The following PDE10A variants were observed in gnomAD, a reference collection of about 807,000 sequenced individuals.
PDE10A encodes the protein phosphodiesterase 10A, also known as cAMP and cAMP-inhibited cGMP 3',5'-cyclic phosphodiesterase 10A.
PDE10A carries 39 observed loss-of-function variants against 97.7 expected under a neutral mutation model. That is an observed-to-expected ratio of 0.40 (90% CI 0.31 to 0.52). The LOEUF is 0.52. Among genes scored for constraint, PDE10A ranks in the 20% least tolerant of loss-of-function variants. The probability of loss-of-function intolerance (pLI) is 0.56; values close to 1 mark genes in which losing one functional copy is unlikely to be tolerated. For synonymous variants in PDE10A, 371 were observed against 376.8 expected, an observed-to-expected ratio of 0.98 and a Z score of 0.18; for missense variants, 731 against 1,047.8, an observed-to-expected ratio of 0.70 and a Z score of 4.17.
intron 1 of PDE10A, among the ~76,000 whole-genome samples, chr6:165,586,856 A>G (rs1376842634): frequency 6.6e-6 from 1 of 152,190 alleles, no homozygotes; most frequent in Non-Finnish European, 1.5e-5. Flanking sequence ...TCTTTCTTAT[A>G]TAACTCTTTT....
intron 2 of PDE10A, among the ~76,000 whole-genome samples, chr6:165,488,399 C>G (rs1208963149): frequency 6.6e-6 from 1 of 152,116 alleles, no homozygotes; most frequent in East Asian, 1.9e-4. Flanking sequence ...ACAGCAAGTA[C>G]TTAATAGGAT....
intron 1 of PDE10A, among the ~76,000 whole-genome samples, chr6:165,730,567 C>T (rs1227734268): frequency 6.6e-6 from 1 of 151,620 alleles, no homozygotes; most frequent in Admixed American, 6.6e-5. Flanking sequence ...GCCTGGCCAA[C>T]ATGGTGAAAC....
intron 1 of PDE10A, among the ~76,000 whole-genome samples, chr6:165,606,780 C>G (rs1005169096): frequency 3.3e-5 from 5 of 152,044 alleles, no homozygotes; most frequent in Non-Finnish European, 5.9e-5. Context: ...AAAGCATCTG[C>G]GGCTTGGTGT....
At chr6:165,929,611 G>A (rs1306013967) in intron 1 of PDE10A, among the ~76,000 whole-genome samples, 4 of 152,234 alleles carry the variant, frequency 2.6e-5, no homozygotes, top group Non-Finnish European at 4.4e-5. Flanking sequence ...CTTCAGTGCT[G>A]CTGGAAAATC....
At chr6:165,427,719 T>C (rs1350687869) in intron 10 of PDE10A, among the ~76,000 whole-genome samples, 1 of 152,170 alleles carries the variant, frequency 6.6e-6, no homozygotes, top group Non-Finnish European at 1.5e-5. Flanking sequence ...AAGTGCTCCT[T>C]GTACCCCTAG....
intron 1 of PDE10A, among the ~76,000 whole-genome samples, chr6:165,611,422 T>A (rs1041904716): frequency 6.6e-6 from 1 of 152,210 alleles, no homozygotes; most frequent in African/African-American, 2.4e-5. Context: ...AGGGCTCTGA[T>A]GAGCCTTACC....
chr6:165,726,277 C>T (rs1406385737), intron 1 of PDE10A, among the ~76,000 whole-genome samples: 1 of 151,754 alleles, frequency 6.6e-6, no homozygotes, highest in East Asian at 1.9e-4. Flanking sequence ...CTAAAGCAAG[C>T]AAATAAATGA....
At chr6:165,401,690 C>T (rs1011721696) in intron 13 of PDE10A, among the ~76,000 whole-genome samples, 1 of 152,162 alleles carries the variant, frequency 6.6e-6, no homozygotes, top group Non-Finnish European at 1.5e-5. Flanking sequence ...AGGCTGGACA[C>T]TGCTGTCACC....
intron 1 of PDE10A, among the ~76,000 whole-genome samples, chr6:165,621,752 T>G (rs1436404741): frequency 8.2e-6 from 1 of 121,512 alleles, no homozygotes; most frequent in East Asian, 2.2e-4. Flanking sequence ...GTGAGACTCT[T>G]ATCTAAAAAA....
chr6:165,765,327 A>G (rs117514486), intron 1 of PDE10A, among the ~76,000 whole-genome samples: 16,773 of 114,798 alleles, frequency 0.15, 993 homozygotes, highest in South Asian at 0.24. Flanking sequence ...TGGGCGCTGT[A>G]GAGCAGGGGG....
At chr6:165,795,181 C>T (rs1402588315) in intron 1 of PDE10A, among the ~76,000 whole-genome samples, 1 of 152,174 alleles carries the variant, frequency 6.6e-6, no homozygotes, top group Non-Finnish European at 1.5e-5. Context: ...ACAAGCATCA[C>T]CTCTGGAGGG....
At chr6:165,879,185 C>A (rs1035709112) in intron 1 of PDE10A, among the ~76,000 whole-genome samples, 6 of 152,200 alleles carry the variant, frequency 3.9e-5, no homozygotes, top group Non-Finnish European at 8.8e-5. Context: ...TAATTTGACT[C>A]ATTCAGACAA....
chr6:165,419,347 G>T, intron 10 of PDE10A, among the ~76,000 whole-genome samples: 1 of 152,218 alleles, frequency 6.6e-6, no homozygotes, highest in East Asian at 1.9e-4. Context: ...ATTATTAAGT[G>T]TTTACTATGT....
chr6:165,825,838 C>T (rs1160781421), intron 1 of PDE10A, among the ~76,000 whole-genome samples: 1 of 152,186 alleles, frequency 6.6e-6, no homozygotes, highest in African/African-American at 2.4e-5. Flanking sequence ...CAGCCACTCC[C>T]AACTTTCTTT....
chr6:165,433,784 G>C (rs368372303), intron 6 of PDE10A, among the ~76,000 whole-genome samples: 16 of 152,132 alleles, frequency 1.1e-4, no homozygotes, highest in African/African-American at 3.9e-4. Context: ...GGGAGGCCGA[G>C]GTGGGCGGAT....
intron 1 of PDE10A, among the ~76,000 whole-genome samples, chr6:165,751,376 C>T (rs921295744): frequency 6.6e-6 from 1 of 152,190 alleles, no homozygotes; most frequent in Non-Finnish European, 1.5e-5. Context: ...TGTGTGATCT[C>T]TCTCTGTAGG....
chr6:165,876,414 G>A (rs578247963), intron 1 of PDE10A, among the ~76,000 whole-genome samples: 54 of 152,282 alleles, frequency 3.5e-4, no homozygotes, highest in African/African-American at 1.3e-3. Context: ...AAAAGCTAGG[G>A]TAATGAATTA....
intron 2 of PDE10A, among the ~76,000 whole-genome samples, chr6:165,498,990 A>G (rs1190418331): frequency 6.6e-6 from 1 of 152,218 alleles, no homozygotes; most frequent in Non-Finnish European, 1.5e-5. Flanking sequence ...CACTAGATAG[A>G]GGAAATTTAT....
At chr6:165,831,508 C>T (rs1245738100) in intron 1 of PDE10A, among the ~76,000 whole-genome samples, 1 of 130,912 alleles carries the variant, frequency 7.6e-6, no homozygotes, top group Non-Finnish European at 1.6e-5. Flanking sequence ...GACGGAGTCT[C>T]GCTCTCTCAC....
Sources: gnomAD v4.1 joint callset for allele counts (sites outside exome capture counted in the v4.1 genomes callset) on GRCh38, gnomAD v4.1.1 for gene constraint, MANE v1.5 for transcripts, NCBI Gene and HGNC (gene_info 2026-07-23, HGNC 2026-07-21) for gene names.